GABRB2: variants seen among roughly 807,000 people sequenced by gnomAD.
The protein encoded by GABRB2 is gamma-aminobutyric acid receptor subunit beta-2.
Under a neutral mutation model 54.7 loss-of-function variants are expected in GABRB2, and 16 were observed. That is an observed-to-expected ratio of 0.29 (90% CI 0.20 to 0.44). The LOEUF (loss-of-function observed/expected upper bound fraction) is 0.44, where lower values mean the gene tolerates loss of function less well. GABRB2 is among the 20% of genes least tolerant of loss of function. The pLI is 1.00. For missense variants in GABRB2, 355 were observed against 644.0 expected (o/e 0.55, Z 4.86); for synonymous variants, 244 against 233.8 (o/e 1.04, Z -0.40).
intron 5 of GABRB2, among the ~76,000 whole-genome samples, chr5:161,391,566 G>T (rs535736035): frequency 6.6e-6 from 1 of 152,180 alleles, no homozygotes; most frequent in Non-Finnish European, 1.5e-5. Context: ...TTCTCTTATG[G>T]ATTAGAAAAC....
At chr5:161,429,354 A>AAAAAAAAAAAAAAAAAG (rs1561646885) in intron 4 of GABRB2, among the ~76,000 whole-genome samples, 1 of 148,964 alleles carries the variant, frequency 6.7e-6, no homozygotes, top group African/African-American at 2.5e-5. Flanking sequence ...TCAAAAAAAA[A>AAAAAAAAAAAAAAAAAG]AAAAGAAAAA....
intron 4 of GABRB2, among the ~76,000 whole-genome samples, chr5:161,442,346 C>T (rs1367856970): frequency 6.6e-6 from 1 of 152,118 alleles, no homozygotes; most frequent in Non-Finnish European, 1.5e-5. Flanking sequence ...GTATCATGAG[C>T]AAAAGTATAT....
At chr5:161,515,363 C>CG (rs1759905726) in intron 3 of GABRB2, among the ~76,000 whole-genome samples, 1 of 151,876 alleles carries the variant, frequency 6.6e-6, no homozygotes, top group Non-Finnish European at 1.5e-5. Context: ...CTTTTCTATT[C>CG]GGGGGATAGT....
At chr5:161,355,059 T>C (rs1561619709) in intron 5 of GABRB2, among the ~76,000 whole-genome samples, 1 of 151,946 alleles carries the variant, frequency 6.6e-6, no homozygotes, top group Non-Finnish European at 1.5e-5. Context: ...TTAGTTTCAA[T>C]GAACTCCTCA....
intron 5 of GABRB2, among the ~76,000 whole-genome samples, chr5:161,391,853 T>C (rs966477301): frequency 6.6e-6 from 1 of 152,128 alleles, no homozygotes; most frequent in African/African-American, 2.4e-5. Flanking sequence ...AGACTCAGCA[T>C]TCACTGATCT....
chr5:161,385,947 GGT>G (rs70990781), intron 5 of GABRB2, among the ~76,000 whole-genome samples: 9,870 of 92,860 alleles, frequency 0.11, 371 homozygotes, highest in African/African-American at 0.13. Context: ...CCTATTGTCT[GGT>G]GTGTGTGTGT....
At position 161,545,242 on chromosome 5, in the gene GABRB2, A is replaced by C; in HGVS notation, c.222T>G (p.Val74=). 1 of 1,607,462 alleles carries C rather than the reference A, an allele frequency of 6.2e-7. No homozygotes were observed. Among genetic ancestry groups the C allele is most frequent in the Non-Finnish European group, 8.5e-7 (1 of 1,177,490 alleles). Residue 74 remains valine (V), a synonymous_variant, in exon 3 of 10, where the codon GTT becomes GTG. Coordinates refer to ENST00000393959, the MANE Select transcript of GABRB2 (RefSeq NM_001371727.1). ...MNIDIASIDM[V]SEVNMDYTLT... ...CAATACTCACCATATTGACTTCAGA[A>C]ACCATATCGATGCTGGCAATGTCAA...
chr5:161,459,763 G>A lies in GABRB2; in HGVS notation c.319C>T (p.Leu107=). 6.2e-7 allele frequency: 1 copy of A among 1,613,802 alleles called. No individual in the cohort carries two copies. The highest frequency in any genetic ancestry group is 8.5e-7 in the Non-Finnish European group (1 of 1,179,874). The stretch of plus-strand genomic sequence containing the variant: ...AGCTGGTCTGCCACTCTGTTGTCCA[G>A]AGTCAAGTTTAAAGGTATTACATTA... ...SYNVIPLNLT[L]DNRVADQLWV... Residue 107 remains leucine (L), a synonymous_variant, in exon 4 of 10, where the codon CTG becomes TTG. Coordinates refer to ENST00000393959, the MANE Select transcript of GABRB2 (RefSeq NM_001371727.1).
At chr5:161,490,871 C>T (rs1363481060) in intron 3 of GABRB2, among the ~76,000 whole-genome samples, 1 of 151,704 alleles carries the variant, frequency 6.6e-6, no homozygotes, top group African/African-American at 2.4e-5. Context: ...CTAAAAAGTT[C>T]TTTCCTCTGG....
At chr5:161,547,266 G>A (rs1448229809), upstream of GABRB2, among the ~76,000 whole-genome samples, 4 of 125,460 alleles carry the variant, frequency 3.2e-5, no homozygotes, top group East Asian at 1.0e-3. Flanking sequence ...CGAAGCGGGA[G>A]GGAGGGAAAA....
At chr5:161,524,394 G>C (rs953128074) in intron 3 of GABRB2, among the ~76,000 whole-genome samples, 6 of 151,670 alleles carry the variant, frequency 4.0e-5, no homozygotes, top group African/African-American at 1.2e-4. Flanking sequence ...GATATCTATA[G>C]ACAGACAACA....
At chr5:161,348,059 A>G (rs1211733911) in intron 5 of GABRB2, among the ~76,000 whole-genome samples, 1 of 152,056 alleles carries the variant, frequency 6.6e-6, no homozygotes, top group Non-Finnish European at 1.5e-5. Flanking sequence ...TGAGCAAATC[A>G]TATACTCTTT....
intron 3 of GABRB2, among the ~76,000 whole-genome samples, chr5:161,483,117 C>T (rs1393040730): frequency 6.6e-6 from 1 of 152,036 alleles, no homozygotes; most frequent in Non-Finnish European, 1.5e-5. Flanking sequence ...CAGCATTTCT[C>T]AAACTCATTT....
At chr5:161,316,975 A>T (rs1254275209) in intron 9 of GABRB2, among the ~76,000 whole-genome samples, 3 of 152,110 alleles carry the variant, frequency 2.0e-5, no homozygotes, top group Non-Finnish European at 4.4e-5. Flanking sequence ...TGGGGTTGTA[A>T]TTATCTTGTG....
At chr5:161,436,182 A>G (rs1276035851) in intron 4 of GABRB2, among the ~76,000 whole-genome samples, 1 of 152,194 alleles carries the variant, frequency 6.6e-6, no homozygotes, top group East Asian at 1.9e-4. Flanking sequence ...AAAAGCTTGT[A>G]AAATATTTAG....
chr5:161,291,099 T>C lies in GABRB2; in HGVS notation c.*2982A>G, dbSNP rs1051472373. ...ATTATGTTGCATGAGTTTTCAACTCTGAAATGCATTTCATACCTACTAGCG... is the reference window on the plus strand; with the variant it reads ...ATTATGTTGCATGAGTTTTCAACTCCGAAATGCATTTCATACCTACTAGCG... On this transcript the variant is annotated 3_prime_UTR_variant, in exon 10 of 10. Coordinates refer to ENST00000393959, the MANE Select transcript of GABRB2 (RefSeq NM_001371727.1). 6.6e-6 allele frequency: 1 copy of C among 152,546 alleles called. No homozygotes were observed. The highest frequency in any genetic ancestry group is 1.5e-5 in the Non-Finnish European group (1 of 68,008). 9.4% of individuals were successfully genotyped at this position (152,546 alleles called of 1,614,324 possible). A position where few individuals can be genotyped will look rare whatever the true frequency, so the allele number is the denominator to read the frequency against.
At chr5:161,415,184 G>T (rs550854446) in intron 4 of GABRB2, among the ~76,000 whole-genome samples, 242 of 152,264 alleles carry the variant, frequency 1.6e-3, no homozygotes, top group Non-Finnish European at 2.8e-3. Context: ...TTGTGAAACA[G>T]CTCTGTCTTC....
At chr5:161,515,017 T>G (rs547127944) in intron 3 of GABRB2, among the ~76,000 whole-genome samples, 3 of 152,312 alleles carry the variant, frequency 2.0e-5, no homozygotes, top group Admixed American at 2.0e-4. Flanking sequence ...TTGTCAATGC[T>G]GCCATGCATA....
intron 3 of GABRB2, among the ~76,000 whole-genome samples, chr5:161,474,327 A>T (rs1035990424): frequency 3.3e-5 from 5 of 151,968 alleles, no homozygotes; most frequent in Non-Finnish European, 7.4e-5. Context: ...TGTTTTGCTC[A>T]GTTTCCCTCA....
Sources: allele counts gnomAD v4.1 joint callset (sites outside exome capture counted in the v4.1 genomes callset), GRCh38; gene constraint gnomAD v4.1.1; transcripts MANE v1.5; gene names NCBI Gene and HGNC (gene_info 2026-07-23, HGNC 2026-07-21).